BRWD1: variants seen among roughly 807,000 people sequenced by gnomAD.
The protein encoded by BRWD1 is bromodomain and WD repeat-containing protein 1.
BRWD1 carries 82 observed loss-of-function variants against 251.2 expected under a neutral mutation model. The observed-to-expected ratio is 0.33, with a 90% CI of 0.27 to 0.39. The LOEUF is 0.39. BRWD1 is among the 10% of genes least tolerant of loss of function. The pLI is 1.00. For synonymous variants in BRWD1, 918 were observed against 902.8 expected, an observed-to-expected ratio of 1.02 and a Z score of -0.30; for missense variants, 2,233 against 2,711.6, an observed-to-expected ratio of 0.82 and a Z score of 3.92.
chr21:39,195,520 A>C lies in BRWD1; in HGVS notation c.*739T>G. ...TTTTGTTAGTGCACAATTTAAAAGA[A>C]AATGCTCTGACTATGCTCTGGTCCT... is the stretch of plus-strand genomic sequence containing the variant. On this transcript the variant is annotated 3_prime_UTR_variant, in exon 41 of 41. Transcript: ENST00000342449. The C allele has an allele frequency of 1.0e-6, 1 of 984,444 alleles. No homozygotes were observed. Among genetic ancestry groups the C allele is most frequent in the Non-Finnish European group, 1.2e-6 (1 of 828,690 alleles). The allele number at this position is 984,444 out of a possible 1,614,324, so 61.0% of individuals were successfully genotyped here.
In BRWD1 at chr21:39,190,050, T is replaced by C; in HGVS notation, c.*6209A>G. 1 of 985,380 alleles carries C rather than the reference T, an allele frequency of 1.0e-6. No individual in the cohort carries two copies. The highest frequency in any genetic ancestry group is 1.2e-6 in the Non-Finnish European group (1 of 829,900). The allele number at this position is 985,380 out of a possible 1,614,324, so 61.0% of individuals were successfully genotyped here. On this transcript the variant is annotated 3_prime_UTR_variant, in exon 41 of 41. Coordinates refer to ENST00000342449, the MANE Select transcript of BRWD1 (RefSeq NM_033656.4). ...CACATCAGTAGTGTAAAACTGTACATCTGTAGTAGCACTCCATGATCATTT... is the reference window on the plus strand; with the variant it reads ...CACATCAGTAGTGTAAAACTGTACACCTGTAGTAGCACTCCATGATCATTT...
At position 39,247,889 on chromosome 21, in the gene BRWD1, A is replaced by C. The variant is rs79501444; in HGVS notation, c.2350-57T>G. 4,330 of 1,466,960 alleles carry C rather than the reference A, an allele frequency of 3.0e-3. 106 individuals carry two copies. In the African/African-American group the frequency reaches 0.053, roughly 18 times the overall value. The allele number at this position is 1,466,960 out of a possible 1,614,324, so 90.9% of individuals were successfully genotyped here. ...CAACACCTAAATAAGGACAATATCA[A>C]CAAAATGGGCATTCCGTCAAGTTTC... On this transcript the variant is annotated intron_variant, in intron 20 of 40. Coordinates refer to ENST00000342449, the MANE Select transcript of BRWD1 (RefSeq NM_033656.4).
At chr21:39,271,212 A>C (rs1240116727) in intron 13 of BRWD1, among the ~76,000 whole-genome samples, 3 of 152,178 alleles carry the variant, frequency 2.0e-5, no homozygotes, top group Admixed American at 2.0e-4. Flanking sequence ...GAATCATTGG[A>C]ACCTGGGAGA....
chr21:39,225,390 G>C (rs1427644247), intron 27 of BRWD1, among the ~76,000 whole-genome samples, 193 bp from the exon 28 acceptor site: 1 of 152,098 alleles, frequency 6.6e-6, no homozygotes, highest in Non-Finnish European at 1.5e-5. Context: ...TGCATTTCTA[G>C]ATGTATTTTA....
rs777038019 is a variant in BRWD1, at chr21:39,276,221, G to A, written c.1105-8C>T. 28 of 1,593,772 alleles carry A rather than the reference G, an allele frequency of 1.8e-5. No individual in the cohort carries two copies. Among genetic ancestry groups the A allele is most frequent in the Non-Finnish European group, 2.2e-5 (26 of 1,167,350 alleles). On this transcript the variant is annotated splice_region_variant and splice_polypyrimidine_tract_variant and intron_variant, in intron 11 of 40. Coordinates refer to ENST00000342449, the MANE Select transcript of BRWD1 (RefSeq NM_033656.4). The stretch of plus-strand genomic sequence containing the variant: ...GATACTATCTACTTTATCCTAAAGG[G>A]GGGAAAAGGACAAATACAAAAATGA...
At chr21:39,272,898 C>T (rs1236771617) in intron 13 of BRWD1, among the ~76,000 whole-genome samples, 1 of 152,136 alleles carries the variant, frequency 6.6e-6, no homozygotes, top group African/African-American at 2.4e-5. Flanking sequence ...AGGCATGAGC[C>T]ACTATGCCCA....
chr21:39,263,160 T>C (rs998139039), intron 17 of BRWD1, among the ~76,000 whole-genome samples: 11 of 152,210 alleles, frequency 7.2e-5, no homozygotes, highest in African/African-American at 2.7e-4. Flanking sequence ...GAATTTTGTA[T>C]ATAAAGTACA....
intron 21 of BRWD1, among the ~76,000 whole-genome samples, chr21:39,247,232 A>G (rs1277726311): frequency 1.3e-5 from 2 of 152,220 alleles, no homozygotes; most frequent in Non-Finnish European, 2.9e-5. Flanking sequence ...GATGAAATGT[A>G]TTAAAATTTA....
chr21:39,277,622 G>A (rs1049389996), intron 10 of BRWD1, among the ~76,000 whole-genome samples: 1 of 152,072 alleles, frequency 6.6e-6, no homozygotes, highest in African/African-American at 2.4e-5. Context: ...GGAGCCCAAT[G>A]GTGTGATCTC....
chr21:39,313,375 C>T, intron 1 of BRWD1, 68 bp downstream of exon 1: 1 of 1,485,128 alleles, frequency 6.7e-7, no homozygotes, highest in Non-Finnish European at 9.0e-7. Context: ...CCGGGGGAGC[C>T]CGGGGAGCCG....
At chr21:39,230,690 C>T (rs757541639) in intron 25 of BRWD1, among the ~76,000 whole-genome samples, 13 of 152,004 alleles carry the variant, frequency 8.6e-5, no homozygotes, top group Non-Finnish European at 1.6e-4. Context: ...GAGAGCATGT[C>T]AGCACTACGC....
intron 8 of BRWD1, among the ~76,000 whole-genome samples, chr21:39,284,250 G>T (rs779529885): frequency 5.3e-5 from 8 of 152,262 alleles, no homozygotes; most frequent in African/African-American, 1.9e-4. Flanking sequence ...GAGGCCAATG[G>T]AGGAGGATTG....
rs188428296 is a variant in BRWD1, at chr21:39,193,235, T to G, written c.*3024A>C. ...TTGAAAGGAACCTTTCTGTTGTAAT[T>G]TACAAGCTGTGAGTAACTGCTATAT... On this transcript the variant is annotated 3_prime_UTR_variant, in exon 41 of 41. Transcript: ENST00000342449. 189 of 985,012 alleles carry G rather than the reference T, an allele frequency of 1.9e-4. No individual in the cohort carries two copies. The African/African-American group carries it at 3.0e-3, about 16-fold the overall frequency. 61.0% of individuals were successfully genotyped at this position (985,012 alleles called of 1,614,324 possible). A position where few individuals can be genotyped will look rare whatever the true frequency, so the allele number is the denominator to read the frequency against.
At chr21:39,295,368 T>C (rs2035934654) in intron 7 of BRWD1, among the ~76,000 whole-genome samples, 1 of 151,800 alleles carries the variant, frequency 6.6e-6, no homozygotes, top group Non-Finnish European at 1.5e-5. Context: ...TCTGTATTTT[T>C]AGTAGAGATG....
chr21:39,230,187 T>C (rs1417574252), intron 25 of BRWD1, among the ~76,000 whole-genome samples: 1 of 152,236 alleles, frequency 6.6e-6, no homozygotes. Flanking sequence ...TACCATATGC[T>C]ATGACCTCTT....
chr21:39,218,463 A>T, intron 30 of BRWD1, 42 bp downstream of exon 30: 1 of 1,527,052 alleles, frequency 6.5e-7, no homozygotes, highest in Non-Finnish European at 8.8e-7. Flanking sequence ...TATGAAAAAA[A>T]TTGAAAAAAA....
chr21:39,312,946 G>T, intron 3 of BRWD1, 46 bp from the exon 4 acceptor site: 1 of 736,638 alleles, frequency 1.4e-6, no homozygotes, highest in South Asian at 3.9e-5. Context: ...CTCCGGCGCG[G>T]GGGGGGCGGG....
chr21:39,312,993 GGGGGGC>G lies in BRWD1; in HGVS notation c.138+73_138+78del, dbSNP rs1568986341. ...CGGGGGCGGGCGGCGGGCGGCGGGC[GGGGGGC>G]GCGGGCGAGCATCCCTCAGGGCAAG... On this transcript the variant is annotated intron_variant, in intron 3 of 40. Coordinates refer to ENST00000342449, the MANE Select transcript of BRWD1 (RefSeq NM_033656.4). 68 of 1,068,894 alleles carry G rather than the reference GGGGGGC, an allele frequency of 6.4e-5. 1 individual carries two copies. In the Admixed American group the frequency reaches 1.4e-3, roughly 21 times the overall value. 66.2% of individuals were successfully genotyped at this position (1,068,894 alleles called of 1,614,324 possible).
intron 5 of BRWD1, chr21:39,297,284 G>C (rs1475173762): frequency 2.0e-6 from 2 of 985,306 alleles, no homozygotes; most frequent in African/African-American, 3.5e-5. Context: ...CAGACATATT[G>C]CATTTTACAT....
Sources: allele counts gnomAD v4.1 joint callset (sites outside exome capture counted in the v4.1 genomes callset), GRCh38; gene constraint gnomAD v4.1.1; transcripts MANE v1.5; gene names NCBI Gene and HGNC (gene_info 2026-07-23, HGNC 2026-07-21).